The following AUTS2 variants were observed in gnomAD, a reference collection of about 807,000 sequenced individuals.
AUTS2 encodes the protein autism susceptibility gene 2 protein.
A neutral mutation model predicts 112.4 loss-of-function variants in AUTS2; 17 were observed. The ratio of observed to expected loss-of-function variants is 0.15; its 90% CI spans 0.10 to 0.23. The LOEUF is 0.23. Among genes scored for constraint, AUTS2 ranks in the 10% least tolerant of loss-of-function variants. The pLI, the probability that AUTS2 is intolerant of heterozygous loss-of-function variation, is 1.00. For synonymous variants in AUTS2, 751 were observed against 702.7 expected (o/e 1.07, Z -1.09); for missense variants, 1,510 against 1,701.6 (o/e 0.89, Z 1.98).
chr7:70,043,415 T>C (rs1801332146), intron 2 of AUTS2, among the ~76,000 whole-genome samples: 1 of 152,140 alleles, frequency 6.6e-6, no homozygotes, highest in Non-Finnish European at 1.5e-5. Flanking sequence ...ACAATTATAT[T>C]TTATGAAGAA....
At chr7:69,772,214 C>T (rs1418088735) in intron 1 of AUTS2, among the ~76,000 whole-genome samples, 3 of 152,210 alleles carry the variant, frequency 2.0e-5, no homozygotes, top group Non-Finnish European at 2.9e-5. Flanking sequence ...ATAACTGAAG[C>T]TTACACAGCC....
chr7:70,485,058 A>G (rs1007417540), intron 5 of AUTS2, among the ~76,000 whole-genome samples: 3 of 152,248 alleles, frequency 2.0e-5, no homozygotes, highest in East Asian at 3.8e-4. Context: ...TACAACCACT[A>G]TGGAAAACAG....
chr7:69,779,862 G>A (rs1789073104), intron 1 of AUTS2, among the ~76,000 whole-genome samples: 1 of 151,286 alleles, frequency 6.6e-6, no homozygotes, highest in South Asian at 2.1e-4. Context: ...TCTTTATTTT[G>A]TGTATTTTTT....
chr7:70,626,545 T>C (rs1352235166), intron 5 of AUTS2, among the ~76,000 whole-genome samples: 2 of 152,088 alleles, frequency 1.3e-5, no homozygotes, highest in Admixed American at 1.3e-4. Context: ...ATTTAGGGGC[T>C]ACATGTGCAG....
intron 5 of AUTS2, among the ~76,000 whole-genome samples, chr7:70,634,566 C>T (rs563054288): frequency 1.9e-4 from 29 of 152,280 alleles, no homozygotes; most frequent in African/African-American, 7.0e-4. Flanking sequence ...GGCTCCGTCA[C>T]CTTTGTGATT....
At chr7:70,500,172 C>CAAAAA (rs140217403) in intron 5 of AUTS2, among the ~76,000 whole-genome samples, 6 of 106,838 alleles carry the variant, frequency 5.6e-5, no homozygotes, top group Non-Finnish European at 1.2e-4. Flanking sequence ...TGGTGGTCTT[C>CAAAAA]AAAAAAAAAA....
chr7:70,546,891 T>G (rs897609524), intron 5 of AUTS2, among the ~76,000 whole-genome samples: 1 of 152,238 alleles, frequency 6.6e-6, no homozygotes, highest in Non-Finnish European at 1.5e-5. Flanking sequence ...TGCATGCCTG[T>G]GCAGCTTAAT....
intron 4 of AUTS2, chr7:70,317,014 A>C (rs1269582756): frequency 6.6e-6 from 1 of 152,194 alleles, no homozygotes; most frequent in Non-Finnish European, 1.5e-5. Context: ...GGCCGGCGGA[A>C]GGGAGTTTGA....
chr7:70,582,833 TA>T (rs1009402108), intron 5 of AUTS2, among the ~76,000 whole-genome samples: 4 of 152,094 alleles, frequency 2.6e-5, no homozygotes, highest in Admixed American at 6.5e-5. Flanking sequence ...TTGCTGCCTT[TA>T]AAAAAAATGT....
At chr7:70,469,790 G>A (rs962515044) in intron 5 of AUTS2, among the ~76,000 whole-genome samples, 3 of 152,120 alleles carry the variant, frequency 2.0e-5, no homozygotes, top group Non-Finnish European at 2.9e-5. Flanking sequence ...ACAGGCACCC[G>A]CCACCACGCC....
At chr7:69,703,616 C>T (rs1797921584) in intron 1 of AUTS2, among the ~76,000 whole-genome samples, 1 of 152,138 alleles carries the variant, frequency 6.6e-6, no homozygotes, top group Non-Finnish European at 1.5e-5. Flanking sequence ...TCAGAGGAAG[C>T]TGTTTGCTCT....
At chr7:70,691,239 G>A (rs1808738124) in intron 5 of AUTS2, among the ~76,000 whole-genome samples, 1 of 152,100 alleles carries the variant, frequency 6.6e-6, no homozygotes, top group South Asian at 2.1e-4. Context: ...CTATTAGAAA[G>A]GGTTGCCGCT....
chr7:69,998,671 C>CA (rs1421012581), intron 2 of AUTS2, among the ~76,000 whole-genome samples: 19 of 152,222 alleles, frequency 1.2e-4, no homozygotes, highest in Non-Finnish European at 2.5e-4. Flanking sequence ...ACCAAATAGA[C>CA]AAAATCTCTG....
rs547683011 is a variant in AUTS2 at position 69,919,999 on chromosome 7, T to C, written c.522+20501T>C. Among the ~76,000 whole-genome samples the C allele has an allele frequency of 3.3e-5, 5 of 151,116 alleles. No homozygotes were observed. The East Asian group carries it at 9.8e-4, about 30-fold the overall frequency. On this transcript the variant is annotated intron_variant, in intron 2 of 18. Coordinates refer to ENST00000342771, the MANE Select transcript of AUTS2 (RefSeq NM_015570.4). ...GAAAAACGTAAATGAAGTGGTCTTA[T>C]GTATACAATTTTTTGCAGTTGCCTT...
At chr7:69,817,786 C>T (rs1790826424) in intron 1 of AUTS2, among the ~76,000 whole-genome samples, 1 of 152,200 alleles carries the variant, frequency 6.6e-6, no homozygotes, top group Admixed American at 6.5e-5. Context: ...GAGGCAGGTG[C>T]TGTCCCCTCC....
chr7:70,495,209 T>C (rs1585214402), intron 5 of AUTS2, among the ~76,000 whole-genome samples: 1 of 128,488 alleles, frequency 7.8e-6, no homozygotes, highest in South Asian at 2.6e-4. Flanking sequence ...TTAAGCAAGC[T>C]CCTCTCCTGT....
chr7:70,222,576 T>C (rs1253542877), intron 4 of AUTS2, among the ~76,000 whole-genome samples: 1 of 152,008 alleles, frequency 6.6e-6, no homozygotes, highest in Non-Finnish European at 1.5e-5. Context: ...CTATCTTCTT[T>C]AGTAAAAGCC....
chr7:69,974,323 C>T (rs1797971625), intron 2 of AUTS2, among the ~76,000 whole-genome samples: 1 of 149,342 alleles, frequency 6.7e-6, no homozygotes, highest in African/African-American at 2.5e-5. Context: ...CTGTGTCAGT[C>T]ATACTAGATG....
intron 1 of AUTS2, among the ~76,000 whole-genome samples, chr7:69,692,417 C>T (rs374838907): frequency 1.3e-5 from 2 of 152,130 alleles, no homozygotes; most frequent in Non-Finnish European, 2.9e-5. Flanking sequence ...CTGGTACTTA[C>T]GTGTGTGATG....
Sources: allele counts gnomAD v4.1 joint callset (sites outside exome capture counted in the v4.1 genomes callset), GRCh38; gene constraint gnomAD v4.1.1; transcripts MANE v1.5; gene names NCBI Gene and HGNC (gene_info 2026-07-23, HGNC 2026-07-21).